Variants in MGRN1 observed in about 807,000 individuals in gnomAD.
MGRN1 encodes E3 ubiquitin-protein ligase MGRN1.
In MGRN1, 29 loss-of-function variants were observed where a neutral mutation model predicts 69.2. That is an observed-to-expected ratio of 0.42 (90% confidence interval 0.31 to 0.57). The LOEUF is 0.57. Among genes scored for constraint, MGRN1 ranks in the 20% least tolerant of loss-of-function variants. The pLI is 0.15. For missense variants in MGRN1, 998 were observed against 796.2 expected, an observed-to-expected ratio of 1.25 and a Z score of -3.05; for synonymous variants, 470 against 344.2, an observed-to-expected ratio of 1.37 and a Z score of -4.04.
At chr16:4,685,671 TTC>T (rs2079295944) in intron 16 of MGRN1, among the ~76,000 whole-genome samples, 1 of 152,254 alleles carries the variant, frequency 6.6e-6, no homozygotes, top group African/African-American at 2.4e-5. Context: ...CAGCACAGGT[TTC>T]TGTGTGTTTT....
In MGRN1 at chr16:4,624,857, G is replaced by A. The variant is rs560328503; in HGVS notation, c.-104G>A. 6 of 956,958 alleles carry A rather than the reference G, an allele frequency of 6.3e-6. No individual in the cohort carries two copies. The highest frequency in any genetic ancestry group is 8.5e-6 in the Non-Finnish European group (6 of 705,282). 59.3% of individuals were successfully genotyped at this position (956,958 alleles called of 1,614,324 possible). A position where few individuals can be genotyped will look rare whatever the true frequency, so the allele number is the denominator to read the frequency against. ...TCGAGGCGCCTCCGCGGCCGTGGACGAGCGTCCGTGCGGCCTGGTCCGGGC... is the reference window on the plus strand; with the variant it reads ...TCGAGGCGCCTCCGCGGCCGTGGACAAGCGTCCGTGCGGCCTGGTCCGGGC... On this transcript the variant is annotated 5_prime_UTR_variant, in exon 1 of 17. Transcript: ENST00000262370.
chr16:4,666,560 C>T (rs1429486596), intron 7 of MGRN1, among the ~76,000 whole-genome samples: 3 of 152,236 alleles, frequency 2.0e-5, no homozygotes, highest in East Asian at 1.9e-4. Flanking sequence ...GGGCTGTCTG[C>T]GGTAGACTGC....
At chr16:4,647,802 A>G (rs2078305884) in intron 1 of MGRN1, among the ~76,000 whole-genome samples, 1 of 151,326 alleles carries the variant, frequency 6.6e-6, no homozygotes, top group African/African-American at 2.4e-5. Context: ...GGTCGTCATC[A>G]GCTCTCAGTG....
chr16:4,652,869 G>C, intron 4 of MGRN1, 45 bp downstream of exon 4: 1 of 1,545,712 alleles, frequency 6.5e-7, no homozygotes, highest in African/African-American at 1.4e-5. Context: ...GGGGGCCCCA[G>C]ACTCCTGGGG....
chr16:4,680,255 G>A (rs1053103045), intron 12 of MGRN1, 158 bp downstream of exon 12: 8 of 717,222 alleles, frequency 1.1e-5, no homozygotes, highest in Non-Finnish European at 1.8e-5. Context: ...CAGGGAGTTT[G>A]TGGAACCGGA....
intron 13 of MGRN1, among the ~76,000 whole-genome samples, 175 bp downstream of exon 13, chr16:4,681,951 C>T (rs1308756578): frequency 2.6e-5 from 4 of 152,240 alleles, no homozygotes; most frequent in Non-Finnish European, 5.9e-5. Context: ...CGGCAAAGAA[C>T]GCAGCAGACG....
chr16:4,666,191 G>A (rs1172553124), intron 7 of MGRN1, among the ~76,000 whole-genome samples: 1 of 151,988 alleles, frequency 6.6e-6, no homozygotes, highest in Non-Finnish European at 1.5e-5. Flanking sequence ...GCTGTGGTGT[G>A]ATCTCAGCTC....
chr16:4,688,631 G>A (rs1337758889), intron 16 of MGRN1, 165 bp from the exon 17 acceptor site: 17 of 1,404,790 alleles, frequency 1.2e-5, no homozygotes, highest in African/African-American at 2.9e-5. Flanking sequence ...GGGAGTCCCC[G>A]GGCCCTTGGT....
At chr16:4,675,545 C>T (rs1253939464) in intron 10 of MGRN1, among the ~76,000 whole-genome samples, 3 of 152,050 alleles carry the variant, frequency 2.0e-5, no homozygotes, top group Admixed American at 6.5e-5. Context: ...TCGAGACTAG[C>T]CTGGGCAACA....
rs1018838899 is a variant in MGRN1 at position 4,684,063 on chromosome 16, C to A, written c.1618+131C>A. 6.2e-6 allele frequency: 5 copies of A among 801,376 alleles called. No individual in the cohort carries two copies. In the African/African-American group the frequency reaches 6.9e-5, roughly 11 times the overall value. The allele number at this position is 801,376 out of a possible 1,614,324, so 49.6% of individuals were successfully genotyped here. A position where few individuals can be genotyped will look rare whatever the true frequency, so the allele number is the denominator to read the frequency against. On this transcript the variant is annotated intron_variant, in intron 16 of 16. Coordinates refer to ENST00000262370, the MANE Select transcript of MGRN1 (RefSeq NM_015246.4). ...GGAGCCTGGTTCTCTCCCTGGCTCT[C>A]AGCCATGCCCCTGCTATTGACCGTG...
At chr16:4,665,998 T>A (rs1166020169) in intron 7 of MGRN1, among the ~76,000 whole-genome samples, 5 of 151,918 alleles carry the variant, frequency 3.3e-5, no homozygotes, top group African/African-American at 1.2e-4. Context: ...CCCAGCTAAT[T>A]TTTTTGTATT....
intron 5 of MGRN1, among the ~76,000 whole-genome samples, chr16:4,663,448 G>A (rs2078731357): frequency 7.1e-6 from 1 of 140,052 alleles, no homozygotes; most frequent in African/African-American, 2.7e-5. Context: ...TTAAGCGAAT[G>A]ATTCGCTGGC....
intron 10 of MGRN1, among the ~76,000 whole-genome samples, chr16:4,676,691 G>T (rs1209998713): frequency 1.3e-5 from 2 of 152,176 alleles, no homozygotes; most frequent in Admixed American, 1.3e-4. Context: ...TTCCTGGCCT[G>T]CACACGTCAC....
Position 4,682,896 on chromosome 16 carries a change from C to T in MGRN1, c.1432C>T (p.Pro478Ser), listed in dbSNP as rs138756308. Residue 478 changes from proline to serine, a missense_variant, in exon 14 of 17, where the codon CCC becomes TCC. Physicochemically the swap from Pro to Ser is moderately conservative, Grantham distance 74 (BLOSUM62 -1). Transcript: ENST00000262370. ...EKLSEDVDAP[P>S]PLGGAELALR... is the part of the protein sequence containing the mutation. ...GCTCTCCGAGGACGTGGACGCCCCT[C>T]CCCCACTGGGTGGCGCAGAGCTGGC... 2.5e-6 allele frequency: 4 copies of T among 1,609,272 alleles called. No homozygotes were observed. Among genetic ancestry groups the T allele is most frequent in the Non-Finnish European group, 3.4e-6 (4 of 1,176,896 alleles).
intron 7 of MGRN1, among the ~76,000 whole-genome samples, chr16:4,667,935 CCAT>C (rs2141933815): frequency 6.6e-6 from 1 of 152,124 alleles, no homozygotes; most frequent in African/African-American, 2.4e-5. Context: ...AGGCCCTTGT[CCAT>C]CATCTGAACT....
intron 1 of MGRN1, among the ~76,000 whole-genome samples, chr16:4,645,795 G>T (rs1361729239): frequency 6.6e-6 from 1 of 152,206 alleles, no homozygotes; most frequent in Non-Finnish European, 1.5e-5. Flanking sequence ...ACCTGCCCCA[G>T]TGTGGCTGGG....
chr16:4,632,595 C>T (rs555661360), intron 1 of MGRN1, among the ~76,000 whole-genome samples: 65 of 152,206 alleles, frequency 4.3e-4, no homozygotes, highest in African/African-American at 1.5e-3. Context: ...GTGGTTTCAC[C>T]GTGTTAGCCA....
At position 4,668,540 on chromosome 16, in the gene MGRN1, T is replaced by G. The variant is rs116842267; in HGVS notation, c.726+228T>G. On this transcript the variant is annotated intron_variant, in intron 8 of 16. Transcript: ENST00000262370. The stretch of plus-strand genomic sequence containing the variant: ...ACACATAAACACACAGACACACACA[T>G]ACACACATAAACACACTCCTACTCG... Among the ~76,000 whole-genome samples the G allele has an allele frequency of 2.0e-5, 3 of 150,330 alleles. No homozygotes were observed. In the East Asian group the frequency reaches 5.9e-4, roughly 30 times the overall value.
At chr16:4,664,980 G>C in intron 6 of MGRN1, 122 bp from the exon 7 acceptor site, 8 of 1,247,976 alleles carry the variant, frequency 6.4e-6, no homozygotes, top group Non-Finnish European at 9.3e-6. Flanking sequence ...ACAGGCTCAG[G>C]ACTCTATGGA....
Sources: gnomAD v4.1 joint callset for allele counts (sites outside exome capture counted in the v4.1 genomes callset) on GRCh38, gnomAD v4.1.1 for gene constraint, MANE v1.5 for transcripts, NCBI Gene and HGNC (gene_info 2026-07-23, HGNC 2026-07-21) for gene names.